The following OOSP4B variants were observed in gnomAD, a reference collection of about 807,000 sequenced individuals.
OOSP4B encodes the protein oocyte-secreted protein 4B.
intron 3 of OOSP4B, among the ~76,000 whole-genome samples, chr11:60,028,385 C>T (rs190742522): frequency 3.9e-5 from 6 of 151,952 alleles, no homozygotes; most frequent in Non-Finnish European, 7.4e-5. Context: ...AGGCTCGTCT[C>T]GAACTCCTGA....
chr11:60,030,718 C>T, intron 4 of OOSP4B, 84 bp from the exon 5 acceptor site: 3 of 397,474 alleles, frequency 7.5e-6, no homozygotes, highest in Non-Finnish European at 1.3e-5. Flanking sequence ...TAATTGAGCA[C>T]CCATGAGTTC....
chr11:60,026,892 G>C (rs890151414), intron 3 of OOSP4B, among the ~76,000 whole-genome samples: 1 of 152,178 alleles, frequency 6.6e-6, no homozygotes, highest in African/African-American at 2.4e-5. Context: ...CGACAGTGTT[G>C]CTACATCAGG....
At chr11:60,031,055 C>G in exon 5 of OOSP4B, 1 of 372,972 alleles carries the variant, frequency 2.7e-6, no homozygotes, top group Non-Finnish European at 4.8e-6. Flanking sequence ...CATTCTAACT[C>G]TGAAATCAAG....
chr11:60,027,989 A>G (rs1327097026), intron 3 of OOSP4B, among the ~76,000 whole-genome samples: 2 of 151,610 alleles, frequency 1.3e-5, no homozygotes, highest in African/African-American at 4.8e-5. Context: ...AAGAAGTGGT[A>G]CTTATGGCAA....
intron 4 of OOSP4B, among the ~76,000 whole-genome samples, chr11:60,030,573 G>C (rs1854796996): frequency 6.6e-6 from 1 of 152,082 alleles, no homozygotes; most frequent in African/African-American, 2.4e-5. Context: ...TCTCAGAAAG[G>C]CAGTCATCTA....
chr11:60,029,455 G>A (rs1854781876), intron 3 of OOSP4B, among the ~76,000 whole-genome samples: 1 of 152,170 alleles, frequency 6.6e-6, no homozygotes, highest in African/African-American at 2.4e-5. Flanking sequence ...GGATGTGTGT[G>A]TGTGGCCTGG....
chr11:60,018,830 G>A lies in OOSP4B; in HGVS notation c.22+1417G>A, dbSNP rs560414341. On this transcript the variant is annotated intron_variant, in intron 1 of 4. Transcript: ENST00000642343. ...TACCATTCCCTGAGACCAAAATTAG[G>A]GTATGTAGTTAAGGATGAAATTGAG... Among the ~76,000 whole-genome samples, 116 of 152,208 alleles carry A rather than the reference G, an allele frequency of 7.6e-4. 4 individuals are homozygous for A. The South Asian group carries it at 0.023, about 30-fold the overall frequency.
intron 1 of OOSP4B, among the ~76,000 whole-genome samples, chr11:60,020,384 C>T (rs1226345615): frequency 1.3e-5 from 2 of 152,200 alleles, no homozygotes; most frequent in South Asian, 4.2e-4. Flanking sequence ...TGGCGGGCTG[C>T]AGGTCCCCAG....
At chr11:60,019,284 CAAG>C (rs1565047550) in intron 1 of OOSP4B, among the ~76,000 whole-genome samples, 2 of 152,130 alleles carry the variant, frequency 1.3e-5, no homozygotes, top group Non-Finnish European at 2.9e-5. Flanking sequence ...GAGGCCTAGG[CAAG>C]AAGATCGCTT....
rs530326225 is a variant in OOSP4B at position 60,017,484 on chromosome 11, T to C, written c.22+71T>C. 5.5e-4 allele frequency: 218 copies of C among 398,596 alleles called. 1 individual carries two copies. The highest frequency in any genetic ancestry group is 3.3e-3 in the African/African-American group (162 of 48,754). The allele number at this position is 398,596 out of a possible 1,614,324, so 24.7% of individuals were successfully genotyped here. ...TCAACCCAGGTATGCATAAGAAATA[T>C]CTTCAGAGGTGGTGATTTAAACTGA... On this transcript the variant is annotated intron_variant, in intron 1 of 4. Transcript: ENST00000642343.
chr11:60,025,256 C>T (rs766591490), intron 3 of OOSP4B, among the ~76,000 whole-genome samples: 1 of 152,126 alleles, frequency 6.6e-6, no homozygotes, highest in Non-Finnish European at 1.5e-5. Context: ...GATGCACTTC[C>T]AATTGAAGAC....
chr11:60,019,913 C>T (rs1323380896), intron 1 of OOSP4B, among the ~76,000 whole-genome samples: 1 of 152,022 alleles, frequency 6.6e-6, no homozygotes, highest in Non-Finnish European at 1.5e-5. Flanking sequence ...CTGATTGGTG[C>T]GTTTACAATC....
At chr11:60,021,484 C>G (rs1461640320) in intron 1 of OOSP4B, 1 of 152,170 alleles carries the variant, frequency 6.6e-6, no homozygotes, top group African/African-American at 2.4e-5. Context: ...GTTCAGTGGA[C>G]AAAGAAGACA....
chr11:60,028,552 A>T (rs17154439), intron 3 of OOSP4B, among the ~76,000 whole-genome samples: 3,832 of 152,230 alleles, frequency 0.025, 118 homozygotes, highest in African/African-American at 0.072. Context: ...AGACTTGTGA[A>T]GCCTAGTGGA....
At chr11:60,028,990 CA>C (rs66552691) in intron 3 of OOSP4B, among the ~76,000 whole-genome samples, 151,335 of 152,086 alleles carry the variant, frequency 1, 75,300 homozygotes, top group Middle Eastern at 1. Flanking sequence ...ACTGAGCTCT[CA>C]AAAAAAAATG....
At chr11:60,023,137 C>G (rs949321972) in intron 1 of OOSP4B, among the ~76,000 whole-genome samples, 1 of 152,302 alleles carries the variant, frequency 6.6e-6, no homozygotes, top group Admixed American at 6.5e-5. Flanking sequence ...TACGTTCACT[C>G]TAAATATGAA....
intron 3 of OOSP4B, among the ~76,000 whole-genome samples, chr11:60,027,493 A>G (rs1314301984): frequency 6.6e-6 from 1 of 151,842 alleles, no homozygotes; most frequent in Non-Finnish European, 1.5e-5. Flanking sequence ...ATGTCTTCTC[A>G]ACCTCTGTCT....
chr11:60,025,148 G>A (rs1854735150), intron 3 of OOSP4B, 143 bp downstream of exon 3: 2 of 391,588 alleles, frequency 5.1e-6, no homozygotes, highest in African/African-American at 4.1e-5. Context: ...TAAGGAAAAT[G>A]TTCAAATGTA....
At chr11:60,024,820 G>A (rs780962595) in intron 2 of OOSP4B, 88 bp from the exon 3 acceptor site, 34 of 395,790 alleles carry the variant, frequency 8.6e-5, no homozygotes, top group Non-Finnish European at 1.4e-4. Context: ...TGCCATTTCC[G>A]GATTTTCCTA....
Sources: gnomAD v4.1 joint callset for allele counts (sites outside exome capture counted in the v4.1 genomes callset) on GRCh38, gnomAD v4.1.1 for gene constraint, MANE v1.5 for transcripts, NCBI Gene and HGNC (gene_info 2026-07-23, HGNC 2026-07-21) for gene names.